FAAH: variants seen among roughly 807,000 people sequenced by gnomAD.
The protein encoded by FAAH is fatty-acid amide hydrolase 1.
Under a neutral mutation model 69.7 loss-of-function variants are expected in FAAH, and 63 were observed. The ratio of observed to expected loss-of-function variants is 0.90; its 90% CI spans 0.74 to 1.12. FAAH has a LOEUF of 1.12. FAAH is among the 50% of genes most tolerant of loss of function. The probability of loss-of-function intolerance (pLI) is 0.00; values close to 1 mark genes in which losing one functional copy is unlikely to be tolerated. For missense variants in FAAH, 680 were observed against 755.0 expected, an observed-to-expected ratio of 0.90 and a Z score of 1.16; for synonymous variants, 305 against 324.2, an observed-to-expected ratio of 0.94 and a Z score of 0.64.
At chr1:46,398,829 C>G (rs1289086417) in intron 1 of FAAH, among the ~76,000 whole-genome samples, 1 of 152,174 alleles carries the variant, frequency 6.6e-6, no homozygotes, top group South Asian at 2.1e-4. Flanking sequence ...GCCACCACTC[C>G]CGGATTCTTG....
Position 46,406,283 on chromosome 1 carries a change from G to T in FAAH, c.866G>T (p.Ser289Ile). 6.2e-7 allele frequency: 1 copy of T among 1,614,072 alleles called. No homozygotes were observed. Among genetic ancestry groups the T allele is most frequent in the Non-Finnish European group, 8.5e-7 (1 of 1,180,034 alleles). Reference sequence around the variant, plus strand: ...GGCCCCATGGCCCGGGACGTGGAGAGCCTGGCACTGTGCCTGCGAGCCCTG... The same window carrying T: ...GGCCCCATGGCCCGGGACGTGGAGATCCTGGCACTGTGCCTGCGAGCCCTG... ...SVGPMARDVE[S>I]LALCLRALLC... Residue 289 changes from serine (S) to isoleucine (I), a missense_variant, in exon 7 of 15, where the codon AGC (serine) becomes ATC (isoleucine). Coordinates refer to ENST00000243167, the MANE Select transcript of FAAH (RefSeq NM_001441.3).
At chr1:46,394,577 C>G in intron 1 of FAAH, 34 bp downstream of exon 1, 1 of 1,300,678 alleles carries the variant, frequency 7.7e-7, no homozygotes, top group Non-Finnish European at 9.7e-7. Context: ...TGGGCGCGGC[C>G]TGAGGGTACT....
chr1:46,402,192 C>T lies in FAAH; in HGVS notation c.297C>T (p.Thr99=), dbSNP rs777710750. Residue 99 remains threonine, a synonymous_variant, in exon 2 of 15, where the codon ACC becomes ACT. Coordinates refer to ENST00000243167, the MANE Select transcript of FAAH (RefSeq NM_001441.3). ...RELAPEAVLF[T]YVGKAWEVNK... The stretch of plus-strand genomic sequence containing the variant: ...TGGCCCCTGAGGCCGTGCTCTTCAC[C>T]TATGTGGGAAAGGTAAGGCCAGCCA... 4 of 1,602,870 alleles carry T rather than the reference C, an allele frequency of 2.5e-6. No homozygotes were observed. The highest frequency in any genetic ancestry group is 2.7e-5 in the African/African-American group (2 of 74,762).
intron 1 of FAAH, among the ~76,000 whole-genome samples, chr1:46,397,538 AG>A (rs1175196103): frequency 6.6e-6 from 1 of 151,732 alleles, no homozygotes; most frequent in African/African-American, 2.4e-5. Context: ...GCGGGGGAGT[AG>A]GATTTTTTTT....
rs763167413 is a variant in FAAH at position 46,402,142 on chromosome 1, G to A, written c.247G>A (p.Val83Met). 5 of 1,610,700 alleles carry A rather than the reference G, an allele frequency of 3.1e-6. No individual in the cohort carries two copies. Among genetic ancestry groups the A allele is most frequent in the Non-Finnish European group, 4.2e-6 (5 of 1,178,498 alleles). ...GCTAGCCCTGCCCCTGCCTCAGCTG[G>A]TGCAGAAGTTACACAGTAGAGAGCT... ...ALLALPLPQL[V>M]QKLHSRELAP... The change falls in exon 2 of 15, where the codon GTG (valine) becomes ATG (methionine). Residue 83 changes from valine to methionine, a missense_variant. By Grantham distance (21) the Val-to-Met change is conservative. Coordinates refer to ENST00000243167, the MANE Select transcript of FAAH (RefSeq NM_001441.3).
At chr1:46,398,295 C>T (rs947854130) in intron 1 of FAAH, among the ~76,000 whole-genome samples, 1 of 152,170 alleles carries the variant, frequency 6.6e-6, no homozygotes, top group Non-Finnish European at 1.5e-5. Flanking sequence ...TCCCCCGCCT[C>T]TCCTCCCTTC....
chr1:46,408,930 G>A (rs1163194516), intron 8 of FAAH, among the ~76,000 whole-genome samples, 171 bp from the exon 9 acceptor site: 1 of 152,176 alleles, frequency 6.6e-6, no homozygotes, highest in Non-Finnish European at 1.5e-5. Context: ...CTCTCATGCT[G>A]TGCATTCCAC....
At position 46,394,820 on chromosome 1, in the gene FAAH, G is replaced by A. The variant is rs907979329; in HGVS notation, c.195+277G>A. 3.3e-5 allele frequency among the ~76,000 whole-genome samples: 5 copies of A among 152,378 alleles called. No homozygotes were observed. The South Asian group carries it at 1.0e-3, about 32-fold the overall frequency. ...TGTGCCAAAGAATCTCACGATTGCT[G>A]CCTATTGGAATGCGAAAACGCAAGC... On this transcript the variant is annotated intron_variant, in intron 1 of 14. Coordinates refer to ENST00000243167, the MANE Select transcript of FAAH (RefSeq NM_001441.3).
Position 46,394,520 on chromosome 1 carries a change from G to A in FAAH, c.172G>A (p.Ala58Thr). 7.3e-7 allele frequency: 1 copy of A among 1,378,734 alleles called. No homozygotes were observed. Among genetic ancestry groups the A allele is most frequent in the Non-Finnish European group, 9.3e-7 (1 of 1,072,254 alleles). The allele number at this position is 1,378,734 out of a possible 1,614,324, so 85.4% of individuals were successfully genotyped here. Residue 58 changes from alanine (A) to threonine (T), a missense_variant, in exon 1 of 15, where the codon GCG becomes ACG. Physicochemically the swap from Ala to Thr is moderately conservative, Grantham distance 58. Coordinates refer to ENST00000243167, the MANE Select transcript of FAAH (RefSeq NM_001441.3). ...AGCGGGCCTGGAGAACATGGACAGG[G>A]CGGCGCAGCGCTTCCGGCTCCAGGT... is the stretch of plus-strand genomic sequence containing the variant. ...QRAGLENMDR[A>T]AQRFRLQNPD...
intron 13 of FAAH, among the ~76,000 whole-genome samples, chr1:46,412,585 G>T (rs1664936566): frequency 6.6e-6 from 1 of 152,192 alleles, no homozygotes; most frequent in Non-Finnish European, 1.5e-5. Context: ...TGAGGCTGGA[G>T]GATCACTTGA....
In FAAH at chr1:46,404,734, G is replaced by T. The variant is rs1461879895; in HGVS notation, c.310-280G>T. 6.6e-6 allele frequency among the ~76,000 whole-genome samples: 1 copy of T among 152,170 alleles called. No individual in the cohort carries two copies. Among genetic ancestry groups the T allele is most frequent in the African/African-American group, 2.4e-5 (1 of 41,428 alleles). ...TCCCAGCTCACCCCCTACCTGGGGG[G>T]CACCTGAGGCCAGTATCTTGCTCCC... On this transcript the variant is annotated intron_variant, in intron 2 of 14. Coordinates refer to ENST00000243167, the MANE Select transcript of FAAH (RefSeq NM_001441.3). This position sits in a 1 kb window ranked among gnomAD's most constrained non-coding sequence, Gnocchi z 4.5.
intron 13 of FAAH, 114 bp from the exon 14 acceptor site, chr1:46,412,961 A>G (rs1345614285): frequency 7.7e-7 from 1 of 1,297,196 alleles, no homozygotes; most frequent in Non-Finnish European, 1.1e-6. Context: ...CCTGGGAGAG[A>G]GCCTTTCTCT....
At position 46,405,616 on chromosome 1, in the gene FAAH, C is replaced by T; in HGVS notation, c.607C>T (p.Gln203Ter). 1 of 1,613,576 alleles carries T rather than the reference C, an allele frequency of 6.2e-7. No individual in the cohort carries two copies. Among genetic ancestry groups the T allele is most frequent in the Non-Finnish European group, 8.5e-7 (1 of 1,180,048 alleles). ...TGACTGCAGTAACCCCCTCTTTGGC[C>T]AGACCGTGAACCCATGGAAGTCCTC... is the stretch of plus-strand genomic sequence containing the variant. ...SYDCSNPLFG[Q>*]TVNPWKSSKS... Residue 203 changes from glutamine (Q) to a stop codon, truncating the protein, a stop_gained, in exon 5 of 15, where the codon CAG becomes TAG. Coordinates refer to ENST00000243167, the MANE Select transcript of FAAH (RefSeq NM_001441.3). LOFTEE classifies it high-confidence loss of function. The surrounding 1 kb of genome is among the most constrained non-coding windows in gnomAD (Gnocchi z 4.1).
Position 46,408,593 on chromosome 1 carries a change from G to A in FAAH, c.1077+9G>A, listed in dbSNP as rs1664843212. 3 of 1,614,120 alleles carry A rather than the reference G, an allele frequency of 1.9e-6. No homozygotes were observed. Among genetic ancestry groups the A allele is most frequent in the Middle Eastern group, 1.7e-4 (1 of 6,052 alleles). On this transcript the variant is annotated intron_variant, in intron 8 of 14. Coordinates refer to ENST00000243167, the MANE Select transcript of FAAH (RefSeq NM_001441.3). ...AGGCTGCGGGGCACACGGTATGACT[G>A]CAGGGTCCTGGAAGTACTGGCATCT...
In FAAH at chr1:46,413,754, C is replaced by A; in HGVS notation, c.*179C>A. On this transcript the variant is annotated 3_prime_UTR_variant, in exon 15 of 15. Transcript: ENST00000243167. Reference sequence around the variant, plus strand: ...CTGAGTCTGGACCTCCATCCCTGCTCTGGTCCCCTCTCTTCGTCCTGATCC... The same window carrying A: ...CTGAGTCTGGACCTCCATCCCTGCTATGGTCCCCTCTCTTCGTCCTGATCC... The A allele has an allele frequency of 1.2e-6, 1 of 822,326 alleles. No individual in the cohort carries two copies. The highest frequency in any genetic ancestry group is 1.6e-5 in the South Asian group (1 of 63,130). The allele number at this position is 822,326 out of a possible 1,614,324, so 50.9% of individuals were successfully genotyped here. A position where few individuals can be genotyped will look rare whatever the true frequency, so the allele number is the denominator to read the frequency against.
Position 46,405,571 on chromosome 1 carries a change from A to C in FAAH, c.579-17A>C. Reference sequence around the variant, plus strand: ...GTCCCAGCATGGCACGGGCTGACCCATTCTTGGCTCCTCCAGCTATGACTG... The same window carrying C: ...GTCCCAGCATGGCACGGGCTGACCCCTTCTTGGCTCCTCCAGCTATGACTG... On this transcript the variant is annotated splice_polypyrimidine_tract_variant and intron_variant, in intron 4 of 14. Transcript: ENST00000243167. This position sits in a 1 kb window ranked among gnomAD's most constrained non-coding sequence, Gnocchi z 4.1. 1 of 1,613,306 alleles carries C rather than the reference A, an allele frequency of 6.2e-7. No individual in the cohort carries two copies. The highest frequency in any genetic ancestry group is 8.5e-7 in the Non-Finnish European group (1 of 1,180,030).
chr1:46,408,369 C>G (rs745453291), intron 7 of FAAH, 90 bp from the exon 8 acceptor site: 13 of 1,575,604 alleles, frequency 8.3e-6, no homozygotes, highest in Non-Finnish European at 9.6e-6. Context: ...GCAGCTGTGT[C>G]TGGGGCTGAG....
intron 8 of FAAH, 127 bp downstream of exon 8, chr1:46,408,711 A>G (rs2295633): frequency 0.63 from 900,793 of 1,433,316 alleles, 285,402 homozygotes; most frequent in East Asian, 0.83. Context: ...GTGAACTGTG[A>G]CCCTGTGGGA....
chr1:46,410,756 G>C lies in FAAH; in HGVS notation c.1276-58G>C. On this transcript the variant is annotated intron_variant, in intron 10 of 14. Transcript: ENST00000243167. The surrounding 1 kb of genome is among the most constrained non-coding windows in gnomAD (Gnocchi z 4.9). ...GTCCCCAGTGGCTTGGCCTGAAGAA[G>C]GTTGACGTCTGCCGTGGCCCAGAGC... The C allele has an allele frequency of 6.2e-7, 1 of 1,611,156 alleles. No homozygotes were observed. Among genetic ancestry groups the C allele is most frequent in the African/African-American group, 1.3e-5 (1 of 74,996 alleles).
Sources: gnomAD v4.1 joint callset for allele counts (sites outside exome capture counted in the v4.1 genomes callset) on GRCh38, gnomAD v4.1.1 for gene constraint, Gnocchi (gnomAD v3.1) non-coding constraint, MANE v1.5 for transcripts, NCBI Gene and HGNC (gene_info 2026-07-23, HGNC 2026-07-21) for gene names.